Variants in RBFOX1 observed in about 807,000 individuals in gnomAD.
RBFOX1 encodes the protein RNA binding protein fox-1 homolog 1.
A neutral mutation model predicts 57.7 loss-of-function variants in RBFOX1; 8 were observed. The ratio of observed to expected loss-of-function variants is 0.14; its 90% confidence interval spans 0.08 to 0.25. RBFOX1 has a LOEUF of 0.25. Ranked by LOEUF, RBFOX1 falls within the 10% of genes least tolerant of loss-of-function variation. The pLI, the probability that RBFOX1 is intolerant of heterozygous loss-of-function variation, is 1.00. For synonymous variants in RBFOX1, 326 were observed against 222.4 expected, an observed-to-expected ratio of 1.47 and a Z score of -4.15; for missense variants, 611 against 548.5, an observed-to-expected ratio of 1.11 and a Z score of -1.14.
intron 2 of RBFOX1, among the ~76,000 whole-genome samples, chr16:6,531,295 G>T (rs375135739): frequency 6.6e-6 from 1 of 152,158 alleles, no homozygotes; most frequent in South Asian, 2.1e-4. Context: ...ACCTCCCCTT[G>T]TTGCAGGAGC....
chr16:7,493,003 C>A (rs550443690), intron 4 of RBFOX1, among the ~76,000 whole-genome samples: 1 of 152,102 alleles, frequency 6.6e-6, no homozygotes, highest in Non-Finnish European at 1.5e-5. Flanking sequence ...CTCAGCCTGC[C>A]GAGTAGCTGG....
At chr16:6,395,368 C>A (rs1001897109) in intron 2 of RBFOX1, among the ~76,000 whole-genome samples, 1 of 152,166 alleles carries the variant, frequency 6.6e-6, no homozygotes, top group East Asian at 1.9e-4. Flanking sequence ...TCTTCTTAGT[C>A]TTTTATCCAT....
At chr16:7,343,076 G>C (rs1200812575) in intron 4 of RBFOX1, among the ~76,000 whole-genome samples, 1 of 152,146 alleles carries the variant, frequency 6.6e-6, no homozygotes, top group Non-Finnish European at 1.5e-5. Context: ...GTTCCATGTG[G>C]CCATAGCCTT....
At chr16:6,578,388 C>G (rs1325060490) in intron 2 of RBFOX1, among the ~76,000 whole-genome samples, 15 of 152,092 alleles carry the variant, frequency 9.9e-5, no homozygotes. Flanking sequence ...TGATTCATGA[C>G]CTTATGGATG....
chr16:5,381,412 A>G (rs1363174648), intron 1 of RBFOX1, among the ~76,000 whole-genome samples: 3 of 152,230 alleles, frequency 2.0e-5, no homozygotes, highest in East Asian at 3.8e-4. Flanking sequence ...ACAGGCACAT[A>G]AATCACTTGG....
intron 3 of RBFOX1, among the ~76,000 whole-genome samples, chr16:6,724,907 C>A (rs962412447): frequency 6.6e-6 from 1 of 152,010 alleles, no homozygotes; most frequent in South Asian, 2.1e-4. Flanking sequence ...AACTTCCTGA[C>A]CTTGCTGTAG....
intron 3 of RBFOX1, among the ~76,000 whole-genome samples, chr16:6,966,666 A>T (rs564778436): frequency 1.9e-4 from 29 of 152,158 alleles, no homozygotes; most frequent in African/African-American, 7.0e-4. Context: ...TAGGCATGAG[A>T]TAGTGCAAGC....
chr16:7,137,957 C>G (rs921655816), intron 4 of RBFOX1, among the ~76,000 whole-genome samples: 3 of 152,130 alleles, frequency 2.0e-5, no homozygotes, highest in African/African-American at 4.8e-5. Flanking sequence ...GAGTTAGCCT[C>G]TATTTTCATG....
chr16:6,805,486 C>G (rs1659380338), intron 3 of RBFOX1, among the ~76,000 whole-genome samples: 1 of 152,118 alleles, frequency 6.6e-6, no homozygotes, highest in Non-Finnish European at 1.5e-5. Flanking sequence ...ATCCCCATAA[C>G]ATGAGTTTAC....
chr16:7,437,718 C>G (rs1214773185), intron 4 of RBFOX1, among the ~76,000 whole-genome samples: 3 of 152,078 alleles, frequency 2.0e-5, no homozygotes, highest in Non-Finnish European at 2.9e-5. Flanking sequence ...TTAGCCTACT[C>G]CTGCAGCTCT....
chr16:6,638,351 C>T (rs574301409), intron 2 of RBFOX1, among the ~76,000 whole-genome samples: 4 of 152,222 alleles, frequency 2.6e-5, no homozygotes, highest in African/African-American at 9.6e-5. Flanking sequence ...GGCAAAAGAA[C>T]ATACATGTTC....
intron 6 of RBFOX1, among the ~76,000 whole-genome samples, chr16:7,581,966 C>T (rs954952756): frequency 3.3e-5 from 5 of 152,042 alleles, no homozygotes; most frequent in Admixed American, 2.6e-4. Flanking sequence ...ACCCTCCCGC[C>T]TTGGCCTCCC....
chr16:6,373,381 T>G (rs1328759521), intron 2 of RBFOX1, among the ~76,000 whole-genome samples: 10 of 150,728 alleles, frequency 6.6e-5, no homozygotes, highest in South Asian at 2.1e-4. Flanking sequence ...GGATAGTTTT[T>G]TAGGATCACT....
At chr16:6,557,008 T>TATATATACATATATATACATATATACAC (rs2097108021) in intron 2 of RBFOX1, among the ~76,000 whole-genome samples, 1 of 136,456 alleles carries the variant, frequency 7.3e-6, no homozygotes, top group Non-Finnish European at 1.5e-5. Flanking sequence ...TATATATACA[T>TATATATACATATATATACATATATACAC]ATATATACAT....
intron 3 of RBFOX1, among the ~76,000 whole-genome samples, chr16:7,036,053 A>C (rs981928853): frequency 6.6e-6 from 1 of 152,192 alleles, no homozygotes; most frequent in Non-Finnish European, 1.5e-5. Flanking sequence ...AGAAATCAGC[A>C]ATAGAAAAGA....
At chr16:6,441,686 C>T (rs978048775) in intron 2 of RBFOX1, among the ~76,000 whole-genome samples, 10 of 152,084 alleles carry the variant, frequency 6.6e-5, no homozygotes, top group African/African-American at 1.7e-4. Flanking sequence ...TCAAAGTGCT[C>T]GGATTACAGG....
intron 4 of RBFOX1, among the ~76,000 whole-genome samples, chr16:5,932,076 A>T (rs767454377): frequency 2.0e-5 from 3 of 152,114 alleles, no homozygotes; most frequent in Non-Finnish European, 4.4e-5. Context: ...AGTGTTGCGG[A>T]TTGCAGGAAT....
intron 4 of RBFOX1, among the ~76,000 whole-genome samples, chr16:7,283,091 C>G (rs1365645911): frequency 6.6e-6 from 1 of 152,034 alleles, no homozygotes; most frequent in Non-Finnish European, 1.5e-5. Context: ...TGTATAACGA[C>G]TTTTTTTCCT....
chr16:5,617,107 C>CTCCCTCCGTCCG (rs1175681015), intron 3 of RBFOX1, among the ~76,000 whole-genome samples: 2 of 151,980 alleles, frequency 1.3e-5, no homozygotes, highest in African/African-American at 4.8e-5. Flanking sequence ...CCCTCCTTCC[C>CTCCCTCCGTCCG]TCCCTCCGTC....
Sources: allele counts gnomAD v4.1 joint callset (sites outside exome capture counted in the v4.1 genomes callset), GRCh38; gene constraint gnomAD v4.1.1; transcripts MANE v1.5; gene names NCBI Gene and HGNC (gene_info 2026-07-23, HGNC 2026-07-21).